The following SLC35F1 variants were observed in gnomAD, a reference collection of about 807,000 sequenced individuals.
SLC35F1 encodes the protein solute carrier family 35 member F1, also known as chromosome 6 open reading frame 169.
Under a neutral mutation model 48.7 loss-of-function variants are expected in SLC35F1, and 14 were observed. The ratio of observed to expected loss-of-function variants is 0.29; its 90% CI spans 0.19 to 0.45. SLC35F1 has a LOEUF of 0.45. SLC35F1 is among the 20% of genes least tolerant of loss of function. The pLI, the probability that SLC35F1 is intolerant of heterozygous loss-of-function variation, is 1.00. For missense variants in SLC35F1, 404 were observed against 500.0 expected, an observed-to-expected ratio of 0.81 and a Z score of 1.83; for synonymous variants, 190 against 202.2, an observed-to-expected ratio of 0.94 and a Z score of 0.51.
chr6:118,208,057 CT>C lies in SLC35F1; in HGVS notation c.350-27451del, dbSNP rs149035608. Among the ~76,000 whole-genome samples the C allele has an allele frequency of 4.9e-3, 743 of 151,708 alleles. 2 individuals are homozygous for C. The highest frequency in any genetic ancestry group is 7.7e-3 in the Non-Finnish European group (526 of 67,928). ...AAACATCAAGGGAAAGAGAGCCCCC[CT>C]CCTCTCTCTCTCTCTCACACACACA... On this transcript the variant is annotated intron_variant, in intron 2 of 7. Transcript: ENST00000360388.
intron 1 of SLC35F1, among the ~76,000 whole-genome samples, chr6:117,913,911 C>T (rs1320365239): frequency 3.3e-5 from 5 of 151,972 alleles, no homozygotes; most frequent in East Asian, 1.9e-4. Context: ...ATTATCTGGG[C>T]GTGGTGGTAT....
chr6:118,122,080 G>T (rs745314990), intron 1 of SLC35F1, among the ~76,000 whole-genome samples: 6 of 152,054 alleles, frequency 3.9e-5, no homozygotes, highest in Non-Finnish European at 8.8e-5. Context: ...TATTTTTAGA[G>T]TGCAATTAAA....
intron 6 of SLC35F1, among the ~76,000 whole-genome samples, chr6:118,283,020 T>C (rs1202772835): frequency 1.3e-5 from 2 of 152,190 alleles, no homozygotes; most frequent in Admixed American, 6.5e-5. Flanking sequence ...AACTCCTCAA[T>C]GGCTTCCTCG....
At chr6:118,070,862 T>TATA (rs2114295728) in intron 1 of SLC35F1, among the ~76,000 whole-genome samples, 1 of 133,456 alleles carries the variant, frequency 7.5e-6, no homozygotes, top group South Asian at 2.2e-4. Context: ...ACACATAGGA[T>TATA]ATATATACTA....
At chr6:118,193,803 C>T (rs1392129385) in intron 2 of SLC35F1, among the ~76,000 whole-genome samples, 5 of 152,062 alleles carry the variant, frequency 3.3e-5, no homozygotes, top group Admixed American at 3.3e-4. Flanking sequence ...CCAGGCCTTA[C>T]CAAGCTGTAA....
At chr6:118,185,823 A>G (rs1269541028) in intron 2 of SLC35F1, among the ~76,000 whole-genome samples, 1 of 152,114 alleles carries the variant, frequency 6.6e-6, no homozygotes, top group African/African-American at 2.4e-5. Context: ...TGTGATGTCA[A>G]AGATTGGGGT....
intron 1 of SLC35F1, among the ~76,000 whole-genome samples, chr6:118,112,653 A>G (rs1773424423): frequency 6.6e-6 from 1 of 152,144 alleles, no homozygotes; most frequent in African/African-American, 2.4e-5. Flanking sequence ...TTGACAGTAA[A>G]CTTGGATTAG....
intron 1 of SLC35F1, among the ~76,000 whole-genome samples, chr6:117,923,670 T>TATGTAC (rs1554216692): frequency 0.49 from 13,055 of 26,762 alleles, 5,912 homozygotes; most frequent in Non-Finnish European, 0.56. Context: ...TATATATACA[T>TATGTAC]ATATGTACAT....
chr6:117,952,499 C>G (rs895398804), intron 1 of SLC35F1, among the ~76,000 whole-genome samples: 2 of 152,186 alleles, frequency 1.3e-5, no homozygotes, highest in African/African-American at 4.8e-5. Flanking sequence ...AATCACCTGA[C>G]ATTAACTTGG....
intron 2 of SLC35F1, among the ~76,000 whole-genome samples, chr6:118,198,968 A>G (rs1443057486): frequency 2.0e-5 from 3 of 152,214 alleles, no homozygotes; most frequent in African/African-American, 7.2e-5. Context: ...AATCAACAGA[A>G]GCCTAGGATC....
At chr6:117,908,676 G>C (rs1201866698) in intron 1 of SLC35F1, among the ~76,000 whole-genome samples, 2 of 152,250 alleles carry the variant, frequency 1.3e-5, no homozygotes, top group African/African-American at 4.8e-5. Context: ...GGGTTGACGT[G>C]AAAATGGGGG....
intron 1 of SLC35F1, among the ~76,000 whole-genome samples, chr6:117,992,508 A>G (rs571552143): frequency 2.8e-4 from 43 of 152,176 alleles, no homozygotes; most frequent in Non-Finnish European, 1.5e-5. Context: ...CACGAAATCT[A>G]TTCTTTGTCT....
intron 3 of SLC35F1, among the ~76,000 whole-genome samples, chr6:118,252,136 A>G (rs1775582625): frequency 6.6e-6 from 1 of 152,182 alleles, no homozygotes; most frequent in Non-Finnish European, 1.5e-5. Context: ...AAAAATTATT[A>G]GACTGTGTTG....
chr6:117,959,641 T>C (rs1489696730), intron 1 of SLC35F1, among the ~76,000 whole-genome samples: 4 of 152,310 alleles, frequency 2.6e-5, no homozygotes, highest in African/African-American at 9.6e-5. Context: ...AACACACTTT[T>C]TGGATGAATA....
intron 2 of SLC35F1, among the ~76,000 whole-genome samples, chr6:118,201,597 A>C (rs1470368625): frequency 3.3e-5 from 5 of 152,228 alleles, no homozygotes; most frequent in African/African-American, 1.2e-4. Flanking sequence ...TGGTTGAATG[A>C]CTTGTAAAAT....
intron 1 of SLC35F1, among the ~76,000 whole-genome samples, chr6:117,972,995 C>G (rs556170875): frequency 2.6e-5 from 4 of 152,310 alleles, no homozygotes; most frequent in African/African-American, 9.6e-5. Context: ...GGTGTTTTAT[C>G]TGTTACAGTA....
chr6:118,150,952 TTCATGACACCAATACGGCTGTTATTC>T (rs1318729730), intron 1 of SLC35F1, among the ~76,000 whole-genome samples: 1 of 152,156 alleles, frequency 6.6e-6, no homozygotes, highest in African/African-American at 2.4e-5. Context: ...TCTCTTGGTT[TTCATGACACCAATACGGCTGTTATTC>T]TCCACTCAAC....
intron 2 of SLC35F1, among the ~76,000 whole-genome samples, chr6:118,160,562 C>T (rs1015016624): frequency 6.6e-6 from 1 of 152,154 alleles, no homozygotes; most frequent in African/African-American, 2.4e-5. Context: ...GCATGCTTTA[C>T]TCTTCATGAG....
rs2114524575 is a variant in SLC35F1 at position 118,192,745 on chromosome 6, A to C, written c.349+38125A>C. On this transcript the variant is annotated intron_variant, in intron 2 of 7. Coordinates refer to ENST00000360388, the MANE Select transcript of SLC35F1 (RefSeq NM_001029858.4). ...TGAAGAAGGTTAAACATTATCTTTT[A>C]TTTTGACAATGCTTCCCTTATAACT... is the stretch of plus-strand genomic sequence containing the variant. Among the ~76,000 whole-genome samples, 2 of 152,256 alleles carry C rather than the reference A, an allele frequency of 1.3e-5. 1 individual carries two copies. The highest frequency in any genetic ancestry group is 4.1e-4 in the South Asian group (2 of 4,826).
Sources: allele counts gnomAD v4.1 joint callset (sites outside exome capture counted in the v4.1 genomes callset), GRCh38; gene constraint gnomAD v4.1.1; transcripts MANE v1.5; gene names NCBI Gene and HGNC (gene_info 2026-07-23, HGNC 2026-07-21).